Variants in ATAD3B observed in about 807,000 individuals in gnomAD.
ATAD3B encodes the protein ATPase family AAA domain-containing protein 3B.
A neutral mutation model predicts 70.2 loss-of-function variants in ATAD3B; 59 were observed. The observed-to-expected ratio is 0.84, with a 90% CI of 0.68 to 1.04. ATAD3B has a LOEUF of 1.04. Among genes scored for constraint, ATAD3B ranks in the 50% least tolerant of loss-of-function variants. ATAD3B has a pLI of 0.00. For missense variants in ATAD3B, 961 were observed against 913.4 expected, an observed-to-expected ratio of 1.05 and a Z score of -0.67; for synonymous variants, 423 against 388.6, an observed-to-expected ratio of 1.09 and a Z score of -1.04.
At chr1:1,509,436 C>T in the ATAD3B span, 3 of 1,598,308 alleles carry the variant, frequency 1.9e-6, no homozygotes, top group Non-Finnish European at 2.6e-6. Flanking sequence ...TTAGGAAATA[C>T]TCCCCGTAAT....
chr1:1,508,121 T>G, the ATAD3B span, among the ~76,000 whole-genome samples: 1 of 152,120 alleles, frequency 6.6e-6, no homozygotes, highest in Non-Finnish European at 1.5e-5. Context: ...TCCCTGCACC[T>G]GTTTGCCCTC....
the ATAD3B span, among the ~76,000 whole-genome samples, chr1:1,506,515 G>A: frequency 3.2e-4 from 48 of 151,768 alleles, no homozygotes; most frequent in African/African-American, 1.0e-3. Context: ...GTCTGCCTTG[G>A]CTCCCAAAGT....
intron 11 of ATAD3B, 97 bp downstream of exon 11, chr1:1,486,765 TTCTG>T: frequency 6.7e-7 from 1 of 1,484,440 alleles, no homozygotes; most frequent in Non-Finnish European, 9.0e-7. Flanking sequence ...GACCCTGTCT[TTCTG>T]CAGCTCTGTC....
chr1:1,507,924 C>A, the ATAD3B span, among the ~76,000 whole-genome samples: 8 of 152,226 alleles, frequency 5.3e-5, no homozygotes, highest in Non-Finnish European at 8.8e-5. Context: ...TCACTGTTGG[C>A]CCCACCCGCG....
chr1:1,492,254 A>G (rs184678558), intron 15 of ATAD3B, among the ~76,000 whole-genome samples: 21 of 152,094 alleles, frequency 1.4e-4, no homozygotes, highest in Non-Finnish European at 2.5e-4. Flanking sequence ...TGGGAGGCCA[A>G]GGAGAGAAGA....
intron 2 of ATAD3B, chr1:1,478,322 C>A (rs1258181739): frequency 1.8e-6 from 2 of 1,129,762 alleles, no homozygotes; most frequent in Non-Finnish European, 2.5e-6. Context: ...CTAGAATGGG[C>A]ACGAGCTCTG....
the ATAD3B span, chr1:1,509,450 G>A: frequency 2.5e-6 from 4 of 1,591,778 alleles, no homozygotes; most frequent in East Asian, 9.0e-5. Context: ...CCGTAATAAA[G>A]TCCCACGGGG....
At chr1:1,476,251 AC>A (rs1432626187) in intron 1 of ATAD3B, among the ~76,000 whole-genome samples, 1 of 147,506 alleles carries the variant, frequency 6.8e-6, no homozygotes, top group Non-Finnish European at 1.5e-5. Context: ...AAGCAGACCC[AC>A]CCCAACACCA....
rs1371962532 is a variant in ATAD3B at position 1,480,450 on chromosome 1, C to T, written c.445-417C>T. ...GAGAAAAGCTTGGGTGACATCTGTT[C>T]CCTGGTCCTTAGGGACCGTCACCTT... On this transcript the variant is annotated intron_variant, in intron 4 of 15. Transcript: ENST00000673477. Among the ~76,000 whole-genome samples, 4 of 146,992 alleles carry T rather than the reference C, an allele frequency of 2.7e-5. 1 individual carries two copies. Among genetic ancestry groups the T allele is most frequent in the South Asian group, 4.4e-4 (2 of 4,558 alleles).
chr1:1,504,399 C>T, the ATAD3B span, among the ~76,000 whole-genome samples: 4 of 151,950 alleles, frequency 2.6e-5, no homozygotes, highest in African/African-American at 9.7e-5. Flanking sequence ...CCTGTAATCT[C>T]AGCTCTTTGG....
At position 1,482,538 on chromosome 1, in the gene ATAD3B, C is replaced by T. The variant is rs1639973536; in HGVS notation, c.681-7C>T. On this transcript the variant is annotated splice_region_variant and splice_polypyrimidine_tract_variant and intron_variant, in intron 6 of 15. Transcript: ENST00000673477. ...CCTTCCTGGTCACACCACTGCTTTCCCCGCAGGACGGCTGGCACCTTGTTT... is the reference window on the plus strand; with the variant it reads ...CCTTCCTGGTCACACCACTGCTTTCTCCGCAGGACGGCTGGCACCTTGTTT... 7 of 1,613,408 alleles carry T rather than the reference C, an allele frequency of 4.3e-6. No homozygotes were observed. Among genetic ancestry groups the T allele is most frequent in the Non-Finnish European group, 4.2e-6 (5 of 1,179,548 alleles).
In ATAD3B at chr1:1,483,172, A is replaced by T. The variant is rs556732379; in HGVS notation, c.750+558A>T. On this transcript the variant is annotated intron_variant, in intron 7 of 15. Coordinates refer to ENST00000673477, the MANE Select transcript of ATAD3B (RefSeq NM_031921.6). ...AAAAGAATTAGCTGGGTGTGGTGAC[A>T]TGTGCCTGTAATCTCGGGAGGCTGA... is the stretch of plus-strand genomic sequence containing the variant. The T allele has an allele frequency of 3.9e-5, 15 of 384,106 alleles. 1 individual carries two copies. The Admixed American group carries it at 4.2e-4, about 11-fold the overall frequency. The allele number at this position is 384,106 out of a possible 1,614,324, so 23.8% of individuals were successfully genotyped here.
chr1:1,495,646 C>T lies in ATAD3B; in HGVS notation c.1776C>T (p.Thr592=). The T allele has an allele frequency of 6.2e-7, 1 of 1,612,890 alleles. No individual in the cohort carries two copies. Among genetic ancestry groups the T allele is most frequent in the Non-Finnish European group, 8.5e-7 (1 of 1,179,348 alleles). Residue 592 remains threonine (T), a synonymous_variant, in exon 16 of 16, where the codon ACC becomes ACT. Transcript: ENST00000673477. The stretch of plus-strand genomic sequence containing the variant: ...CCCTATCCGGAGTCCAAGGCGAGAC[C>T]CTCACCTCATGGAGCCTGGCCACGG... ...EHPLSGVQGE[T]LTSWSLATDP...
At chr1:1,499,341 A>T (rs1420460229), downstream of ATAD3B, among the ~76,000 whole-genome samples, 2 of 118,526 alleles carry the variant, frequency 1.7e-5, no homozygotes, top group African/African-American at 6.8e-5. Context: ...GGTTCAAGTG[A>T]TTCTTCTGCC....
chr1:1,500,459 G>A (rs1187944258), downstream of ATAD3B, among the ~76,000 whole-genome samples: 2 of 149,414 alleles, frequency 1.3e-5, no homozygotes, highest in South Asian at 2.1e-4. Flanking sequence ...GGCTGAGGCA[G>A]GAGAATGGCG....
chr1:1,472,910 T>G (rs537020238), intron 1 of ATAD3B, among the ~76,000 whole-genome samples: 1 of 151,942 alleles, frequency 6.6e-6, no homozygotes, highest in South Asian at 2.1e-4. Flanking sequence ...TTCGGCTCCC[T>G]GCAACCTCCG....
downstream of ATAD3B, among the ~76,000 whole-genome samples, chr1:1,502,659 A>C (rs1640970641): frequency 1.3e-5 from 2 of 151,052 alleles, no homozygotes; most frequent in African/African-American, 4.9e-5. Flanking sequence ...CTACAGGCAC[A>C]GGCCGACATG....
Position 1,495,804 on chromosome 1 carries a change from A to T in ATAD3B, c.1934A>T (p.His645Leu). The T allele has an allele frequency of 6.3e-7, 1 of 1,584,996 alleles. No individual in the cohort carries two copies. The highest frequency in any genetic ancestry group is 1.1e-5 in the South Asian group (1 of 87,248). ...GGTCGGCCGTTCTGCCCCCCAGGGC[A>T]CCCCCTGTTGTAGGCACTGGCTAGG... ...GGGRPFCPPG[H>L]PLL Residue 645 changes from histidine (H) to leucine (L), a missense_variant, in exon 16 of 16, where the codon CAC (histidine) becomes CTC (leucine). By Grantham distance (99) the His-to-Leu change is moderately conservative. Transcript: ENST00000673477.
chr1:1,484,745 G>C, intron 7 of ATAD3B: 1 of 855,052 alleles, frequency 1.2e-6, no homozygotes. Flanking sequence ...TCTGCCCAGG[G>C]CCCCGCTCAG....
Sources: allele counts gnomAD v4.1 joint callset (sites outside exome capture counted in the v4.1 genomes callset), GRCh38; gene constraint gnomAD v4.1.1; transcripts MANE v1.5; gene names NCBI Gene and HGNC (gene_info 2026-07-23, HGNC 2026-07-21).